Variants in NIPSNAP2 observed in about 807,000 individuals in gnomAD.
NIPSNAP2 encodes protein NipSnap homolog 2.
A neutral mutation model predicts 48.4 loss-of-function variants in NIPSNAP2; 42 were observed. The observed-to-expected ratio is 0.87, with a 90% CI of 0.68 to 1.12. The LOEUF is 1.12. Among genes scored for constraint, NIPSNAP2 ranks in the 50% most tolerant of loss-of-function variants. The probability of loss-of-function intolerance (pLI) is 0.00; values close to 1 mark genes in which losing one functional copy is unlikely to be tolerated. For synonymous variants in NIPSNAP2, 158 were observed against 126.6 expected (o/e 1.25, Z -1.67); for missense variants, 314 against 347.3 (o/e 0.90, Z 0.76).
intron 7 of NIPSNAP2, 41 bp from the exon 8 acceptor site, chr7:55,994,853 C>T: frequency 6.5e-7 from 1 of 1,534,098 alleles, no homozygotes; most frequent in Non-Finnish European, 9.0e-7. Context: ...GTTAGCGTAT[C>T]TAATTCAGTG....
intron 5 of NIPSNAP2, 152 bp from the exon 6 acceptor site, chr7:55,983,576 C>G: frequency 1.7e-6 from 1 of 601,442 alleles, no homozygotes; most frequent in Non-Finnish European, 2.8e-6. Flanking sequence ...AATGATTATG[C>G]AAGCTCAACA....
chr7:55,978,676 T>C (rs892619526), intron 3 of NIPSNAP2: 24 of 388,794 alleles, frequency 6.2e-5, no homozygotes, highest in African/African-American at 3.9e-4. Context: ...CATCTACTTA[T>C]CCAGTGCTGG....
chr7:55,974,606 T>G (rs1253883764), intron 1 of NIPSNAP2, among the ~76,000 whole-genome samples: 1 of 152,024 alleles, frequency 6.6e-6, no homozygotes, highest in Non-Finnish European at 1.5e-5. Flanking sequence ...CCCAGCACTT[T>G]GGGAGGCCGA....
intron 4 of NIPSNAP2, chr7:55,981,947 C>G: frequency 3.1e-6 from 1 of 325,668 alleles, no homozygotes; most frequent in Non-Finnish European, 5.7e-6. Context: ...GCTGGAAATA[C>G]AGGTGCCCAC....
intron 7 of NIPSNAP2, among the ~76,000 whole-genome samples, chr7:55,991,202 T>C (rs1472696335): frequency 3.3e-5 from 5 of 152,212 alleles, no homozygotes; most frequent in Non-Finnish European, 7.3e-5. Flanking sequence ...TAATGAACCT[T>C]TCCTCCTTAG....
intron 1 of NIPSNAP2, among the ~76,000 whole-genome samples, chr7:55,965,425 T>C (rs1786872542): frequency 6.6e-6 from 1 of 152,144 alleles, no homozygotes; most frequent in Admixed American, 6.5e-5. Context: ...GTTTTCCACA[T>C]TCAAACAGCA....
chr7:55,983,236 T>A (rs1007340479), intron 5 of NIPSNAP2, among the ~76,000 whole-genome samples: 1 of 152,198 alleles, frequency 6.6e-6, no homozygotes, highest in African/African-American at 2.4e-5. Flanking sequence ...GAACTGTTTG[T>A]CACACACATA....
At chr7:55,990,821 T>C (rs1787429028) in intron 7 of NIPSNAP2, among the ~76,000 whole-genome samples, 1 of 150,836 alleles carries the variant, frequency 6.6e-6, no homozygotes, top group Non-Finnish European at 1.5e-5. Flanking sequence ...GGAGTCTTGC[T>C]CTGTTGCCCA....
rs1425591899 is a variant in NIPSNAP2, at chr7:55,998,988, A to G, written c.797-20A>G. 3 of 1,605,134 alleles carry G rather than the reference A, an allele frequency of 1.9e-6. No homozygotes were observed. Among genetic ancestry groups the G allele is most frequent in the Non-Finnish European group, 2.6e-6 (3 of 1,171,894 alleles). On this transcript the variant is annotated intron_variant, in intron 9 of 9. Transcript: ENST00000322090. ...GTGTTTAGAAAGTAACAAGTGCAGT[A>G]ACCCTGATCTTGTTTTCAGTTCCAC...
At position 55,982,228 on chromosome 7, in the gene NIPSNAP2, AAGG is replaced by A; in HGVS notation, c.396_398del (p.Gly133del). The A allele has an allele frequency of 6.2e-7, 1 of 1,608,888 alleles. No individual in the cohort carries two copies. Among genetic ancestry groups the A allele is most frequent in the Non-Finnish European group, 8.5e-7 (1 of 1,175,510 alleles). ...ATTTCAGTCCACCTCTGGAGGTATG[AAGG>A]AGGCTATCCAGCCCTCACAGAAGTC... On this transcript the variant is annotated inframe_deletion, in exon 5 of 10. Coordinates refer to ENST00000322090, the MANE Select transcript of NIPSNAP2 (RefSeq NM_001483.3).
At chr7:55,990,678 C>G (rs978238211) in intron 7 of NIPSNAP2, among the ~76,000 whole-genome samples, 4 of 152,106 alleles carry the variant, frequency 2.6e-5, no homozygotes, top group African/African-American at 9.7e-5. Flanking sequence ...CCACATGGTG[C>G]TGAGAAAAAG....
At chr7:55,976,732 A>T (rs572670875) in intron 1 of NIPSNAP2, among the ~76,000 whole-genome samples, 15 of 152,188 alleles carry the variant, frequency 9.9e-5, no homozygotes, top group South Asian at 4.2e-4. Flanking sequence ...CAAAAAATTT[A>T]AAAAAATTAA....
intron 7 of NIPSNAP2, among the ~76,000 whole-genome samples, chr7:55,987,158 TAAAA>T (rs1197069129): frequency 6.6e-6 from 1 of 151,424 alleles, no homozygotes; most frequent in Non-Finnish European, 1.5e-5. Flanking sequence ...CTCACAAAAA[TAAAA>T]AATAAATTGA....
chr7:55,978,309 C>T (rs781717291), intron 2 of NIPSNAP2, 41 bp from the exon 3 acceptor site: 33 of 1,612,964 alleles, frequency 2.0e-5, no homozygotes. Context: ...TTTTTTTCCC[C>T]TTTGTTCCTA....
intron 1 of NIPSNAP2, among the ~76,000 whole-genome samples, chr7:55,971,355 T>A (rs924093492): frequency 1.6e-4 from 25 of 152,186 alleles, no homozygotes; most frequent in African/African-American, 5.3e-4. Context: ...TTCTTTTGTG[T>A]GTGCTGTGTT....
chr7:55,985,662 C>A (rs540812826), intron 7 of NIPSNAP2, among the ~76,000 whole-genome samples: 11 of 150,918 alleles, frequency 7.3e-5, no homozygotes, highest in Admixed American at 6.0e-4. Context: ...AAGAGAATTG[C>A]TTAAGCCCAG....
intron 5 of NIPSNAP2, among the ~76,000 whole-genome samples, chr7:55,983,144 C>A (rs1045108396): frequency 2.7e-5 from 4 of 150,852 alleles, no homozygotes; most frequent in Non-Finnish European, 5.9e-5. Flanking sequence ...ACAAAAAAAA[C>A]CCCCAAAAGA....
At chr7:55,997,289 C>A in intron 8 of NIPSNAP2, 77 bp from the exon 9 acceptor site, 1 of 1,061,572 alleles carries the variant, frequency 9.4e-7, no homozygotes, top group Non-Finnish European at 1.5e-6. Flanking sequence ...CCAGGTGAAG[C>A]AAGACTTTAA....
chr7:55,981,674 C>A, intron 4 of NIPSNAP2, 107 bp downstream of exon 4: 3 of 664,368 alleles, frequency 4.5e-6, no homozygotes, highest in Non-Finnish European at 7.7e-6. Context: ...CTTTCCAAGT[C>A]TCAGTCTAAT....
Sources: allele counts gnomAD v4.1 joint callset (sites outside exome capture counted in the v4.1 genomes callset), GRCh38; gene constraint gnomAD v4.1.1; transcripts MANE v1.5; gene names NCBI Gene and HGNC (gene_info 2026-07-23, HGNC 2026-07-21).